ADAMTSL1: variants seen among roughly 807,000 people sequenced by gnomAD.
The protein encoded by ADAMTSL1 is ADAMTS-like protein 1.
In ADAMTSL1, 126 loss-of-function variants were observed where a neutral mutation model predicts 201.8. The observed-to-expected ratio is 0.62, with a 90% CI of 0.54 to 0.72. The LOEUF (loss-of-function observed/expected upper bound fraction) is 0.72. ADAMTSL1 is among the 30% of genes least tolerant of loss of function. The pLI is 0.00. For synonymous variants in ADAMTSL1, 1,121 were observed against 903.4 expected, an observed-to-expected ratio of 1.24 and a Z score of -4.32; for missense variants, 2,679 against 2,277.8, an observed-to-expected ratio of 1.18 and a Z score of -3.59.
intron 23 of ADAMTSL1, among the ~76,000 whole-genome samples, chr9:18,840,725 G>A (rs1825661999): frequency 6.6e-6 from 1 of 151,060 alleles, no homozygotes; most frequent in Non-Finnish European, 1.5e-5. Flanking sequence ...GCAGTGGTTT[G>A]TAGTTCTCCT....
intron 1 of ADAMTSL1, among the ~76,000 whole-genome samples, chr9:18,071,558 A>G (rs1027400812): frequency 6.6e-6 from 1 of 152,248 alleles, no homozygotes; most frequent in Non-Finnish European, 1.5e-5. Context: ...AGGAATGCTA[A>G]TATACTCAGA....
chr9:18,670,873 C>G (rs1337366452), intron 9 of ADAMTSL1, among the ~76,000 whole-genome samples: 1 of 152,032 alleles, frequency 6.6e-6, no homozygotes, highest in African/African-American at 2.4e-5. Flanking sequence ...CACCCCACCC[C>G]CACCTCCACA....
chr9:18,816,854 AT>A (rs1435000359), intron 20 of ADAMTSL1, among the ~76,000 whole-genome samples: 1 of 150,706 alleles, frequency 6.6e-6, no homozygotes, highest in Non-Finnish European at 1.5e-5. Flanking sequence ...TAATTAATAT[AT>A]GGTGATCAGA....
chr9:18,804,320 A>C (rs1235161464), intron 20 of ADAMTSL1, among the ~76,000 whole-genome samples: 2 of 152,298 alleles, frequency 1.3e-5, no homozygotes, highest in East Asian at 3.9e-4. Context: ...TGTCTCAGAG[A>C]ACTGGTGAAG....
intron 1 of ADAMTSL1, among the ~76,000 whole-genome samples, chr9:18,077,653 C>G (rs1358518690): frequency 6.6e-6 from 1 of 152,068 alleles, no homozygotes; most frequent in Admixed American, 6.6e-5. Flanking sequence ...AGGTAAACAT[C>G]AAGTAAATGC....
At chr9:18,255,755 G>A (rs1436358729) in intron 2 of ADAMTSL1, among the ~76,000 whole-genome samples, 2 of 151,980 alleles carry the variant, frequency 1.3e-5, no homozygotes, top group Non-Finnish European at 1.5e-5. Flanking sequence ...TCGTTCTGTC[G>A]AAATCCCACT....
chr9:18,327,722 A>G (rs17791003), intron 2 of ADAMTSL1, among the ~76,000 whole-genome samples: 12,950 of 152,260 alleles, frequency 0.085, 741 homozygotes, highest in Non-Finnish European at 0.12. Flanking sequence ...TTGAGCTAAT[A>G]TAAGGGTGAT....
Position 18,640,498 on chromosome 9 carries a change from A to G in ADAMTSL1, c.834+1087A>G, listed in dbSNP as rs142349556. 2.4e-3 allele frequency among the ~76,000 whole-genome samples: 364 copies of G among 152,198 alleles called. 3 individuals carry two copies. Among genetic ancestry groups the G allele is most frequent in the African/African-American group, 8.1e-3 (336 of 41,552 alleles). ...ATACTGAAATTATATAACTGGATTC[A>G]AGCAATATTGCTTACATTGGAACAG... is the stretch of plus-strand genomic sequence containing the variant. On this transcript the variant is annotated intron_variant, in intron 7 of 28. Coordinates refer to ENST00000380548, the MANE Select transcript of ADAMTSL1 (RefSeq NM_001040272.6).
At chr9:18,543,568 ACAT>A (rs1365001160) in intron 3 of ADAMTSL1, among the ~76,000 whole-genome samples, 4 of 152,224 alleles carry the variant, frequency 2.6e-5, no homozygotes. Flanking sequence ...GGTTCAAAAC[ACAT>A]CATTTCTTTT....
intron 2 of ADAMTSL1, among the ~76,000 whole-genome samples, chr9:18,197,034 T>G (rs1829210777): frequency 2.0e-5 from 3 of 152,168 alleles, no homozygotes; most frequent in Admixed American, 1.3e-4. Flanking sequence ...ATCTGGCAAC[T>G]GCATTTATCT....
At chr9:18,060,665 C>T (rs1250823625) in intron 1 of ADAMTSL1, among the ~76,000 whole-genome samples, 2 of 152,032 alleles carry the variant, frequency 1.3e-5, no homozygotes, top group Admixed American at 6.6e-5. Flanking sequence ...TGACGATGAC[C>T]CTACTGATTT....
At chr9:18,306,266 A>G (rs902010555) in intron 2 of ADAMTSL1, among the ~76,000 whole-genome samples, 2 of 152,214 alleles carry the variant, frequency 1.3e-5, no homozygotes, top group African/African-American at 4.8e-5. Context: ...GAGTATTCCA[A>G]AAATCAGAAT....
At chr9:18,599,710 A>C (rs1033923676) in intron 4 of ADAMTSL1, among the ~76,000 whole-genome samples, 1 of 151,880 alleles carries the variant, frequency 6.6e-6, no homozygotes, top group Non-Finnish European at 1.5e-5. Context: ...CCTATGGATA[A>C]CTTCTGTTCT....
At chr9:18,837,622 G>C (rs151231913) in intron 23 of ADAMTSL1, among the ~76,000 whole-genome samples, 2 of 152,096 alleles carry the variant, frequency 1.3e-5, no homozygotes, top group African/African-American at 4.8e-5. Flanking sequence ...CGCATTCTGC[G>C]CCATACTCAA....
intron 3 of ADAMTSL1, among the ~76,000 whole-genome samples, chr9:18,537,349 A>C (rs1383463511): frequency 6.6e-6 from 1 of 152,248 alleles, no homozygotes. Flanking sequence ...GAAAACAGCT[A>C]TGTGAATACT....
intron 2 of ADAMTSL1, among the ~76,000 whole-genome samples, chr9:18,339,206 T>C (rs917564749): frequency 3.9e-5 from 6 of 152,120 alleles, no homozygotes; most frequent in African/African-American, 9.7e-5. Flanking sequence ...GCAAACTATG[T>C]ATCCAACAAA....
intron 23 of ADAMTSL1, among the ~76,000 whole-genome samples, chr9:18,856,664 G>C (rs1254989057): frequency 6.6e-6 from 1 of 151,936 alleles, no homozygotes; most frequent in African/African-American, 2.4e-5. Flanking sequence ...CATCGTGTTG[G>C]CCAAGCTGGT....
Position 18,622,665 on chromosome 9 carries a change from G to A in ADAMTSL1, c.601+296G>A, listed in dbSNP as rs1025762807. The A allele has an allele frequency of 4.9e-4, 265 of 538,584 alleles. 1 individual carries two copies. The highest frequency in any genetic ancestry group is 4.1e-3 in the African/African-American group (218 of 52,748). 33.4% of individuals were successfully genotyped at this position (538,584 alleles called of 1,614,324 possible). On this transcript the variant is annotated intron_variant, in intron 5 of 28. Transcript: ENST00000380548. ...AGCTTTGCTGTCCAACATGAGGACA[G>A]ACTGTATCCCAGCTCCTGCGTGATG... is the stretch of plus-strand genomic sequence containing the variant.
At chr9:18,400,912 C>G (rs867649785) in intron 2 of ADAMTSL1, among the ~76,000 whole-genome samples, 21 of 152,088 alleles carry the variant, frequency 1.4e-4, no homozygotes, top group African/African-American at 5.1e-4. Flanking sequence ...GTACGATACC[C>G]TGGAGTAATT....
Sources: gnomAD v4.1 joint callset for allele counts (sites outside exome capture counted in the v4.1 genomes callset) on GRCh38, gnomAD v4.1.1 for gene constraint, MANE v1.5 for transcripts, NCBI Gene and HGNC (gene_info 2026-07-23, HGNC 2026-07-21) for gene names.